The following SBF2 variants were observed in gnomAD, a reference collection of about 807,000 sequenced individuals.
SBF2 encodes the protein SET binding factor 2.
SBF2 carries 112 observed loss-of-function variants against 225.2 expected under a neutral mutation model. The ratio of observed to expected loss-of-function variants is 0.50; its 90% confidence interval spans 0.43 to 0.58. The LOEUF is 0.58. SBF2 is among the 20% of genes least tolerant of loss of function. SBF2 has a pLI of 0.00. For missense variants in SBF2, 1,996 were observed against 2,206.2 expected, an observed-to-expected ratio of 0.90 and a Z score of 1.91; for synonymous variants, 763 against 773.3, an observed-to-expected ratio of 0.99 and a Z score of 0.22.
intron 3 of SBF2, among the ~76,000 whole-genome samples, chr11:10,040,090 C>A (rs1022509254): frequency 2.0e-5 from 3 of 151,796 alleles, no homozygotes; most frequent in Admixed American, 2.0e-4. Context: ...TTGCTATAGG[C>A]AAGAATCATT....
chr11:9,936,646 C>T (rs1363637185), intron 16 of SBF2, among the ~76,000 whole-genome samples: 1 of 152,170 alleles, frequency 6.6e-6, no homozygotes, highest in East Asian at 1.9e-4. Flanking sequence ...AGTTCATGTC[C>T]TATGCAGGGA....
intron 6 of SBF2, among the ~76,000 whole-genome samples, chr11:10,013,891 C>A (rs1484395489): frequency 6.6e-6 from 1 of 152,184 alleles, no homozygotes; most frequent in Non-Finnish European, 1.5e-5. Context: ...CTTGCTCATT[C>A]ATTCATTCAT....
At chr11:9,913,481 GA>G (rs1282098218) in intron 16 of SBF2, among the ~76,000 whole-genome samples, 1 of 151,808 alleles carries the variant, frequency 6.6e-6, no homozygotes, top group Non-Finnish European at 1.5e-5. Flanking sequence ...TAATTACTTA[GA>G]AAAAAACATT....
intron 1 of SBF2, among the ~76,000 whole-genome samples, chr11:10,237,243 A>G (rs772948747): frequency 6.6e-6 from 1 of 152,168 alleles, no homozygotes; most frequent in Non-Finnish European, 1.5e-5. Context: ...GCTATTTGGG[A>G]GCCTGTGGCA....
chr11:9,953,317 G>A (rs758254508), intron 16 of SBF2, among the ~76,000 whole-genome samples: 11 of 152,088 alleles, frequency 7.2e-5, no homozygotes, highest in Admixed American at 3.3e-4. Flanking sequence ...GGTGGCATGC[G>A]CCTGTAATCC....
At chr11:9,989,677 A>G in intron 12 of SBF2, 82 bp from the exon 13 acceptor site, 1 of 868,998 alleles carries the variant, frequency 1.2e-6, no homozygotes, top group Non-Finnish European at 1.8e-6. Context: ...TACAATTTGC[A>G]AGCCAAAAAA....
At chr11:9,926,886 T>C (rs1371622852) in intron 16 of SBF2, among the ~76,000 whole-genome samples, 1 of 151,948 alleles carries the variant, frequency 6.6e-6, no homozygotes, top group Non-Finnish European at 1.5e-5. Context: ...AGAAAGGAAA[T>C]AAAATGTCGT....
chr11:9,971,785 G>C (rs1019618076), intron 13 of SBF2, among the ~76,000 whole-genome samples: 9 of 152,060 alleles, frequency 5.9e-5, no homozygotes, highest in African/African-American at 2.2e-4. Flanking sequence ...AACTTCATAG[G>C]GACATACAAA....
At chr11:9,951,692 TA>T (rs1363904573) in intron 16 of SBF2, among the ~76,000 whole-genome samples, 1 of 152,162 alleles carries the variant, frequency 6.6e-6, no homozygotes, top group Admixed American at 6.5e-5. Flanking sequence ...CACGGACAAA[TA>T]AAAGCTGAGA....
In SBF2 at chr11:9,778,756, A is replaced by T. The variant is rs907957332; in HGVS notation, c.*1662T>A. The T allele has an allele frequency of 6.5e-6, 1 of 152,674 alleles. No individual in the cohort carries two copies. The highest frequency in any genetic ancestry group is 2.4e-5 in the African/African-American group (1 of 41,460). 9.5% of individuals were successfully genotyped at this position (152,674 alleles called of 1,614,324 possible). ...CCTGAATGCTGTGCACTACAGAATGAACTTTAGTTCACAGTAAATGAGGGA... is the reference window on the plus strand; with the variant it reads ...CCTGAATGCTGTGCACTACAGAATGTACTTTAGTTCACAGTAAATGAGGGA... On this transcript the variant is annotated 3_prime_UTR_variant, in exon 40 of 40. Coordinates refer to ENST00000256190, the MANE Select transcript of SBF2 (RefSeq NM_030962.4).
chr11:10,085,608 T>A (rs1479303875), intron 2 of SBF2, among the ~76,000 whole-genome samples: 1 of 152,228 alleles, frequency 6.6e-6, no homozygotes, highest in East Asian at 1.9e-4. Flanking sequence ...TATGAACATA[T>A]TTTTAAAGTT....
chr11:9,832,361 G>A lies in SBF2; in HGVS notation c.3515C>T (p.Ala1172Val). The change falls in exon 27 of 40, where the codon GCT (alanine) becomes GTT (valine). Residue 1172 changes from alanine (A) to valine (V), a missense_variant. Coordinates refer to ENST00000256190, the MANE Select transcript of SBF2 (RefSeq NM_030962.4). ...AVQDSSLPRVARCYRHNRLPV... is the reference protein window; with the variant it reads ...AVQDSSLPRVVRCYRHNRLPV... ...CAGGCGATTGTGTCGATAGCAGCGAGCTACTCTTGGTAAACTACTGTCCTG... is the reference window on the plus strand; with the variant it reads ...CAGGCGATTGTGTCGATAGCAGCGAACTACTCTTGGTAAACTACTGTCCTG... 2 of 1,614,060 alleles carry A rather than the reference G, an allele frequency of 1.2e-6. No individual in the cohort carries two copies. The highest frequency in any genetic ancestry group is 1.7e-6 in the Non-Finnish European group (2 of 1,179,994).
chr11:10,185,460 G>A (rs1256962727), intron 2 of SBF2, among the ~76,000 whole-genome samples: 7 of 151,800 alleles, frequency 4.6e-5, no homozygotes, highest in Non-Finnish European at 1.0e-4. Flanking sequence ...TTTTGTTTTG[G>A]GGCTTTTTTT....
chr11:10,165,845 T>A (rs1374639457), intron 2 of SBF2, among the ~76,000 whole-genome samples: 1 of 152,216 alleles, frequency 6.6e-6, no homozygotes, highest in Non-Finnish European at 1.5e-5. Context: ...TGTATTTTAA[T>A]ACAAATTTAG....
intron 6 of SBF2, among the ~76,000 whole-genome samples, chr11:10,002,968 AG>A (rs2134515553): frequency 6.6e-6 from 1 of 152,332 alleles, no homozygotes; most frequent in South Asian, 2.1e-4. Context: ...GCCTGTATTT[AG>A]GTTCCTGTTT....
intron 2 of SBF2, among the ~76,000 whole-genome samples, chr11:10,100,130 T>C (rs1353184418): frequency 1.3e-5 from 2 of 152,092 alleles, no homozygotes; most frequent in African/African-American, 2.4e-5. Flanking sequence ...TAAACACACA[T>C]AGGCTAAAAG....
intron 2 of SBF2, among the ~76,000 whole-genome samples, chr11:10,044,329 G>T (rs184682967): frequency 6.6e-6 from 1 of 151,324 alleles, no homozygotes; most frequent in Non-Finnish European, 1.5e-5. Flanking sequence ...CGGGAGACCC[G>T]CAAGAGGAGA....
At chr11:10,012,092 ATTT>A (rs1433783812) in intron 6 of SBF2, among the ~76,000 whole-genome samples, 12 of 151,944 alleles carry the variant, frequency 7.9e-5, no homozygotes, top group Admixed American at 7.2e-4. Context: ...AATTTTATTG[ATTT>A]TTATTTCTGA....
At chr11:9,975,552 C>T (rs1946644140) in intron 13 of SBF2, among the ~76,000 whole-genome samples, 1 of 152,102 alleles carries the variant, frequency 6.6e-6, no homozygotes, top group African/African-American at 2.4e-5. Flanking sequence ...TATTGTGATG[C>T]TAGTGGTTGT....
Sources: gnomAD v4.1 joint callset for allele counts (sites outside exome capture counted in the v4.1 genomes callset) on GRCh38, gnomAD v4.1.1 for gene constraint, MANE v1.5 for transcripts, NCBI Gene and HGNC (gene_info 2026-07-23, HGNC 2026-07-21) for gene names.